Variants in RPRD2 observed in about 807,000 individuals in gnomAD.
The protein encoded by RPRD2 is regulation of nuclear pre-mRNA domain-containing protein 2.
In RPRD2, 12 loss-of-function variants were observed where a neutral mutation model predicts 104.4. The observed-to-expected ratio is 0.11, with a 90% CI of 0.07 to 0.19. The LOEUF is 0.19. RPRD2 is among the 10% of genes least tolerant of loss of function. The probability of loss-of-function intolerance (pLI) is 1.00; values close to 1 mark genes in which losing one functional copy is unlikely to be tolerated. For synonymous variants in RPRD2, 714 were observed against 684.9 expected, an observed-to-expected ratio of 1.04 and a Z score of -0.66; for missense variants, 1,543 against 1,790.1, an observed-to-expected ratio of 0.86 and a Z score of 2.49.
rs945981091 is a variant in RPRD2, at chr1:150,472,395, A to T, written c.3447A>T (p.Ala1149=). 2.5e-6 allele frequency: 4 copies of T among 1,613,854 alleles called. No individual in the cohort carries two copies. The African/African-American group carries it at 5.3e-5, about 22-fold the overall frequency. Residue 1149 remains alanine (A), a synonymous_variant, in exon 11 of 11, where the codon GCA becomes GCT. Transcript: ENST00000369068. Reference sequence around the variant, plus strand: ...GCCCTTCAAGTGCCTCTGAGTTGGCATCCCTTGGGGGTGGGGGCAGCGGAG... The same window carrying T: ...GCCCTTCAAGTGCCTCTGAGTTGGCTTCCCTTGGGGGTGGGGGCAGCGGAG... ...DNGPSSASEL[A]SLGGGGSGGL...
chr1:150,389,532 A>G (rs2102171013), intron 1 of RPRD2, among the ~76,000 whole-genome samples: 3 of 152,262 alleles, frequency 2.0e-5, no homozygotes, highest in Admixed American at 2.0e-4. Flanking sequence ...TGTCCATCCT[A>G]TCAACATGTT....
intron 2 of RPRD2, among the ~76,000 whole-genome samples, chr1:150,432,278 A>G (rs2102325291): frequency 6.6e-6 from 1 of 152,278 alleles, no homozygotes; most frequent in South Asian, 2.1e-4. Flanking sequence ...CAAATATTGT[A>G]TGATTACATT....
chr1:150,404,986 G>A (rs1296704935), intron 1 of RPRD2, among the ~76,000 whole-genome samples: 4 of 152,094 alleles, frequency 2.6e-5, no homozygotes, highest in Non-Finnish European at 5.9e-5. Context: ...TGCATGAAGC[G>A]GGTAGTTCAT....
Position 150,472,989 on chromosome 1 carries a change from G to A in RPRD2, c.4041G>A (p.Arg1347=). The A allele has an allele frequency of 1.9e-6, 3 of 1,613,976 alleles. No homozygotes were observed. The South Asian group carries it at 3.3e-5, about 18-fold the overall frequency. ...AEHFGVLPGP[R]DHGGPTQRDL... Reference sequence around the variant, plus strand: ...ATTTTGGGGTACTCCCAGGACCCAGGGACCACGGGGGCCCCACCCAACGGG... The same window carrying A: ...ATTTTGGGGTACTCCCAGGACCCAGAGACCACGGGGGCCCCACCCAACGGG... The change falls in exon 11 of 11, where the codon AGG becomes AGA. Residue 1347 remains arginine (R), a synonymous_variant. Transcript: ENST00000369068.
intron 2 of RPRD2, among the ~76,000 whole-genome samples, chr1:150,418,031 G>C (rs1220893431): frequency 2.0e-5 from 3 of 151,220 alleles, no homozygotes; most frequent in Non-Finnish European, 4.4e-5. Flanking sequence ...GCAGTGGCGC[G>C]ATCTCGGCTC....
Position 150,367,953 on chromosome 1 carries a change from C to T in RPRD2, c.205+3034C>T, listed in dbSNP as rs184168076. On this transcript the variant is annotated intron_variant, in intron 1 of 10. Coordinates refer to ENST00000369068, the MANE Select transcript of RPRD2 (RefSeq NM_015203.5). ...GGCCAGGGTGGTCTCGAACTCCTGA[C>T]CTCAGACCATCATTTTCTAAGGTGA... Among the ~76,000 whole-genome samples, 5 of 152,158 alleles carry T rather than the reference C, an allele frequency of 3.3e-5. No individual in the cohort carries two copies. The East Asian group carries it at 7.7e-4, about 24-fold the overall frequency.
At chr1:150,375,532 G>C (rs1660624566) in intron 1 of RPRD2, among the ~76,000 whole-genome samples, 1 of 152,158 alleles carries the variant, frequency 6.6e-6, no homozygotes. Flanking sequence ...ATTTTTTAGG[G>C]AGTAGAAGCT....
At chr1:150,417,504 A>T in intron 1 of RPRD2, 92 bp from the exon 2 acceptor site, 4 of 1,024,800 alleles carry the variant, frequency 3.9e-6, no homozygotes, top group Non-Finnish European at 5.4e-6. Flanking sequence ...AAAAATAACC[A>T]GTTACAGTTT....
chr1:150,365,157 G>A (rs1475354290), intron 1 of RPRD2, among the ~76,000 whole-genome samples: 1 of 152,208 alleles, frequency 6.6e-6, no homozygotes, highest in Non-Finnish European at 1.5e-5. Context: ...GGGCCGTTGG[G>A]CCCAGATCCA....
chr1:150,467,118 A>C (rs1032575217), intron 10 of RPRD2, among the ~76,000 whole-genome samples: 1 of 152,214 alleles, frequency 6.6e-6, no homozygotes, highest in Admixed American at 6.5e-5. Flanking sequence ...CCTGCTCTCT[A>C]TCAAAGGAGT....
chr1:150,379,037 C>G (rs190631558), intron 1 of RPRD2, among the ~76,000 whole-genome samples: 1 of 136,794 alleles, frequency 7.3e-6, no homozygotes, highest in Non-Finnish European at 1.6e-5. Flanking sequence ...AATCCCAGTA[C>G]TTTGGGAGGC....
rs61486244 is a variant in RPRD2, at chr1:150,473,556, TAAAAAAA to T, written c.*239_*245del. ...TCTACCTTCCCCAAGTTGTTTGTAT[TAAAAAAA>T]AAAAAAAAAAAAAAAAGTAAAGAAA... On this transcript the variant is annotated 3_prime_UTR_variant, in exon 11 of 11. Coordinates refer to ENST00000369068, the MANE Select transcript of RPRD2 (RefSeq NM_015203.5). The T allele has an allele frequency of 9.9e-4, 97 of 98,384 alleles. No homozygotes were observed. The highest frequency in any genetic ancestry group is 1.7e-3 in the African/African-American group (36 of 21,766). 6.1% of individuals were successfully genotyped at this position (98,384 alleles called of 1,614,324 possible). A position where few individuals can be genotyped will look rare whatever the true frequency, so the allele number is the denominator to read the frequency against.
intron 2 of RPRD2, among the ~76,000 whole-genome samples, chr1:150,423,991 C>T (rs886465475): frequency 6.6e-6 from 1 of 151,922 alleles, no homozygotes; most frequent in African/African-American, 2.4e-5. Flanking sequence ...GGGGTTTCTC[C>T]ATGTTGGTCA....
intron 7 of RPRD2, among the ~76,000 whole-genome samples, chr1:150,454,646 G>A (rs190460519): frequency 2.3e-3 from 351 of 152,186 alleles, no homozygotes; most frequent in Non-Finnish European, 3.6e-3. Flanking sequence ...TCAGGAGTTC[G>A]AGATCAACCT....
chr1:150,393,311 A>G (rs1553883532), intron 1 of RPRD2, among the ~76,000 whole-genome samples: 1 of 151,998 alleles, frequency 6.6e-6, no homozygotes. Context: ...CTACAGAAAC[A>G]TTAGCTGGGC....
At chr1:150,410,623 C>T (rs1246035229) in intron 1 of RPRD2, among the ~76,000 whole-genome samples, 1 of 152,202 alleles carries the variant, frequency 6.6e-6, no homozygotes, top group Non-Finnish European at 1.5e-5. Context: ...TTACTGCTCT[C>T]TCTACAGGCA....
intron 1 of RPRD2, among the ~76,000 whole-genome samples, chr1:150,371,352 A>G (rs1419529692): frequency 2.0e-5 from 3 of 152,148 alleles, no homozygotes; most frequent in African/African-American, 7.2e-5. Context: ...CAGAGGCACA[A>G]AGAGGTTTTT....
chr1:150,459,204 C>T (rs1667752354), intron 8 of RPRD2, among the ~76,000 whole-genome samples: 1 of 152,126 alleles, frequency 6.6e-6, no homozygotes, highest in African/African-American at 2.4e-5. Context: ...AGTTTGACTC[C>T]TGTTGAATTC....
At chr1:150,426,675 AAGAG>A (rs1553890585) in intron 2 of RPRD2, among the ~76,000 whole-genome samples, 1 of 152,226 alleles carries the variant, frequency 6.6e-6, no homozygotes, top group Non-Finnish European at 1.5e-5. Context: ...AATTCATTGT[AAGAG>A]AGAATAGAAT....
Sources: allele counts gnomAD v4.1 joint callset (sites outside exome capture counted in the v4.1 genomes callset), GRCh38; gene constraint gnomAD v4.1.1; transcripts MANE v1.5; gene names NCBI Gene and HGNC (gene_info 2026-07-23, HGNC 2026-07-21).